The following DNAH14 variants were observed in gnomAD, a reference collection of about 807,000 sequenced individuals.
The protein encoded by DNAH14 is axonemal beta dynein heavy chain 14.
A neutral mutation model predicts 520.9 loss-of-function variants in DNAH14; 478 were observed. That is an observed-to-expected ratio of 0.92 (90% CI 0.85 to 0.99). The LOEUF (loss-of-function observed/expected upper bound fraction) is 0.99. DNAH14 is among the 50% of genes least tolerant of loss of function. The pLI, the probability that DNAH14 is intolerant of heterozygous loss-of-function variation, is 0.00. For missense variants in DNAH14, 4,831 were observed against 5,234.5 expected (o/e 0.92, Z 2.38); for synonymous variants, 1,581 against 1,757.2 (o/e 0.90, Z 2.51).
intron 23 of DNAH14, 65 bp downstream of exon 23, chr1:225,100,949 G>A: frequency 7.8e-7 from 1 of 1,289,270 alleles, no homozygotes; most frequent in Non-Finnish European, 1.0e-6. Flanking sequence ...GTGATATAAT[G>A]TAATCTACTG....
chr1:225,015,378 T>C (rs528620341), intron 10 of DNAH14, among the ~76,000 whole-genome samples: 1 of 152,368 alleles, frequency 6.6e-6, no homozygotes, highest in East Asian at 1.9e-4. Context: ...TTTCTTCCTC[T>C]CTTATTGTTA....
intron 8 of DNAH14, among the ~76,000 whole-genome samples, chr1:224,996,017 G>A (rs2063365859): frequency 6.6e-6 from 1 of 152,036 alleles, no homozygotes; most frequent in Admixed American, 6.6e-5. Context: ...TTATTTGTCT[G>A]CTATTTAATA....
rs1017319572 is a variant in DNAH14 at position 225,092,148 on chromosome 1, A to G, written c.3574-4970A>G. 5.9e-5 allele frequency among the ~76,000 whole-genome samples: 9 copies of G among 152,268 alleles called. No individual in the cohort carries two copies. In the East Asian group the frequency reaches 1.2e-3, roughly 20 times the overall value. On this transcript the variant is annotated intron_variant, in intron 21 of 85. Transcript: ENST00000682510. ...TGAGAGAATTCAATGCCCTGCTGAC[A>G]GTATTAGACTATTGAGGCAGAAAAT...
At chr1:225,046,906 C>A (rs1468790889) in intron 15 of DNAH14, among the ~76,000 whole-genome samples, 1 of 152,140 alleles carries the variant, frequency 6.6e-6, no homozygotes, top group East Asian at 1.9e-4. Context: ...ATACCTCCAT[C>A]CTTGTCTTGT....
At chr1:225,295,602 A>G (rs1375219481) in intron 55 of DNAH14, among the ~76,000 whole-genome samples, 1 of 152,188 alleles carries the variant, frequency 6.6e-6, no homozygotes, top group Non-Finnish European at 1.5e-5. Flanking sequence ...CATTGTACTC[A>G]GATAAGATAC....
chr1:224,964,522 A>G lies in DNAH14; in HGVS notation c.411A>G (p.Arg137=), dbSNP rs1236840130. 6 of 1,610,520 alleles carry G rather than the reference A, an allele frequency of 3.7e-6. No homozygotes were observed. Among genetic ancestry groups the G allele is most frequent in the Non-Finnish European group, 5.1e-6 (6 of 1,177,836 alleles). Residue 137 remains arginine (R), a synonymous_variant, in exon 5 of 86, where the codon CGA becomes CGG. Coordinates refer to ENST00000682510, the MANE Select transcript of DNAH14 (RefSeq NM_001367479.1). ...TGATAAGAAATATTATTAGGCTACG[A>G]GAAAAGCTTGGTTGGCAAACTATAT... The part of the protein sequence containing the change: ...DDVIRNIIRL[R]EKLGWQTILP...
rs764494220 is a variant in DNAH14, at chr1:225,333,295, G to A, written c.9869G>A (p.Arg3290Gln). The change falls in exon 66 of 86, where the codon CGA becomes CAA. Residue 3290 changes from arginine to glutamine, a missense_variant. Coordinates refer to ENST00000682510, the MANE Select transcript of DNAH14 (RefSeq NM_001367479.1). ...LLTVLEDEKT[R>Q]WQETINQIDN... ...CATTTCTATTTTAACATTTAGACTC[G>A]ATGGCAAGAAACAATCAATCAAATA... The A allele has an allele frequency of 5.2e-6, 8 of 1,549,376 alleles. No individual in the cohort carries two copies. The highest frequency in any genetic ancestry group is 1.2e-5 in the South Asian group (1 of 83,692).
intron 83 of DNAH14, among the ~76,000 whole-genome samples, chr1:225,390,972 G>A (rs1467040604): frequency 1.3e-5 from 2 of 152,096 alleles, no homozygotes; most frequent in Non-Finnish European, 2.9e-5. Flanking sequence ...ACTGAGTCAA[G>A]ATTTGAACTC....
intron 10 of DNAH14, among the ~76,000 whole-genome samples, chr1:225,011,523 G>A (rs2064740468): frequency 6.6e-6 from 1 of 152,048 alleles, no homozygotes; most frequent in African/African-American, 2.4e-5. Flanking sequence ...TCTGTTGACA[G>A]TGAGGTGTTA....
chr1:225,324,398 C>T, intron 63 of DNAH14, 45 bp downstream of exon 63: 3 of 1,532,554 alleles, frequency 2.0e-6, no homozygotes, highest in Non-Finnish European at 2.6e-6. Flanking sequence ...GGAAGTGGCA[C>T]ATCAATGTCC....
chr1:225,069,140 C>T (rs11588063), intron 17 of DNAH14, among the ~76,000 whole-genome samples: 4 of 151,546 alleles, frequency 2.6e-5, no homozygotes, highest in African/African-American at 9.7e-5. Flanking sequence ...TTCTAAATAT[C>T]GGATCATGCC....
chr1:225,160,123 T>C (rs977857139), intron 35 of DNAH14, among the ~76,000 whole-genome samples: 1 of 152,156 alleles, frequency 6.6e-6, no homozygotes, highest in African/African-American at 2.4e-5. Flanking sequence ...TTTTAACATA[T>C]AATGCCCTTC....
intron 31 of DNAH14, among the ~76,000 whole-genome samples, chr1:225,148,883 G>A (rs528055016): frequency 4.6e-5 from 7 of 151,872 alleles, no homozygotes; most frequent in Middle Eastern, 3.2e-3. Flanking sequence ...ATTTTCTTCC[G>A]TTCTGTGGGT....
In DNAH14 at chr1:224,964,572, G is replaced by C. The variant is rs773507361; in HGVS notation, c.461G>C (p.Gly154Ala). ...TTACCGCAGCACAGTTTGAAATACG[G>C]AAGCTCCAAAATTGCAATTCAGAAG... ...TILPQHSLKY[G>A]SSKIAIQKIT... Residue 154 changes from glycine to alanine, a missense_variant, in exon 5 of 86, where the codon GGA (glycine) becomes GCA (alanine). Gly to Ala is a moderately conservative substitution (Grantham distance 60, BLOSUM62 0). Coordinates refer to ENST00000682510, the MANE Select transcript of DNAH14 (RefSeq NM_001367479.1). The C allele has an allele frequency of 4.4e-6, 7 of 1,603,794 alleles. No individual in the cohort carries two copies. In the Admixed American group the frequency reaches 1.2e-4, roughly 27 times the overall value.
Position 225,159,313 on chromosome 1 carries a change from G to A in DNAH14, c.5274-1G>A, listed in dbSNP as rs759520927. 9.4e-5 allele frequency: 146 copies of A among 1,550,590 alleles called. No homozygotes were observed. The highest frequency in any genetic ancestry group is 1.7e-4 in the Middle Eastern group (1 of 6,014). Reference sequence around the variant, plus strand: ...GTGTTTGTTTTCTTCTACCATTGAAGTGATACCAGTGACAGTCTTTCTGAA... The same window carrying A: ...GTGTTTGTTTTCTTCTACCATTGAAATGATACCAGTGACAGTCTTTCTGAA... On this transcript the variant is annotated splice_acceptor_variant, in intron 34 of 85. Coordinates refer to ENST00000682510, the MANE Select transcript of DNAH14 (RefSeq NM_001367479.1). LOFTEE classifies it high-confidence loss of function.
chr1:225,215,802 A>T (rs562312292), intron 41 of DNAH14, among the ~76,000 whole-genome samples: 2 of 152,134 alleles, frequency 1.3e-5, no homozygotes, highest in South Asian at 2.1e-4. Context: ...TGCACATGAG[A>T]TGGGTATCCT....
chr1:225,385,025 C>T (rs1246547159), intron 81 of DNAH14, among the ~76,000 whole-genome samples: 1 of 152,206 alleles, frequency 6.6e-6, no homozygotes, highest in South Asian at 2.1e-4. Context: ...AAAAGCTTAT[C>T]CACTATGATC....
At position 225,117,688 on chromosome 1, in the gene DNAH14, A is replaced by G. The variant is rs1369487139; in HGVS notation, c.3872A>G (p.Tyr1291Cys). The part of the protein sequence containing the change: ...LEHIKKSLED[Y>C]LEVKRLIFPR... ...ATTTCTTTTGATTCTGGACAGGATTACCTTGAAGTTAAAAGATTAATTTTC... is the reference window on the plus strand; with the variant it reads ...ATTTCTTTTGATTCTGGACAGGATTGCCTTGAAGTTAAAAGATTAATTTTC... The change falls in exon 24 of 86, where the codon TAC becomes TGC. Residue 1291 changes from tyrosine (Y) to cysteine (C), a missense_variant. Physicochemically the swap from Tyr to Cys is radical, Grantham distance 194. Coordinates refer to ENST00000682510, the MANE Select transcript of DNAH14 (RefSeq NM_001367479.1). 65 of 1,533,098 alleles carry G rather than the reference A, an allele frequency of 4.2e-5. No individual in the cohort carries two copies. The highest frequency in any genetic ancestry group is 5.4e-5 in the Non-Finnish European group (61 of 1,134,856). 95.0% of individuals were successfully genotyped at this position (1,533,098 alleles called of 1,614,324 possible).
At chr1:225,178,578 C>A (rs184358721) in intron 36 of DNAH14, among the ~76,000 whole-genome samples, 1 of 152,266 alleles carries the variant, frequency 6.6e-6, no homozygotes, top group Admixed American at 6.5e-5. Context: ...TTATCCGATG[C>A]CTGTACCCCC....
Sources: gnomAD v4.1 joint callset for allele counts (sites outside exome capture counted in the v4.1 genomes callset) on GRCh38, gnomAD v4.1.1 for gene constraint, MANE v1.5 for transcripts, NCBI Gene and HGNC (gene_info 2026-07-23, HGNC 2026-07-21) for gene names.